Variants in RYR2 observed in about 807,000 individuals in gnomAD.
RYR2 encodes the protein cardiac muscle ryanodine receptor-calcium release channel.
A neutral mutation model predicts 601.1 loss-of-function variants in RYR2; 227 were observed. That is an observed-to-expected ratio of 0.38 (90% confidence interval 0.34 to 0.42). The LOEUF is 0.42. Ranked by LOEUF, RYR2 falls within the 10% of genes least tolerant of loss-of-function variation. The pLI is 1.00. For synonymous variants in RYR2, 2,223 were observed against 2,175.1 expected, an observed-to-expected ratio of 1.02 and a Z score of -0.61; for missense variants, 4,646 against 6,156.5, an observed-to-expected ratio of 0.75 and a Z score of 8.21.
intron 1 of RYR2, among the ~76,000 whole-genome samples, chr1:237,226,406 T>C (rs555171988): frequency 6.6e-6 from 1 of 152,322 alleles, no homozygotes; most frequent in East Asian, 1.9e-4. Context: ...ACTGACAGTG[T>C]GGCCAATTAT....
At chr1:237,592,843 A>G (rs747129820) in intron 32 of RYR2, among the ~76,000 whole-genome samples, 3 of 151,784 alleles carry the variant, frequency 2.0e-5, no homozygotes, top group African/African-American at 4.8e-5. Context: ...TAACATGGTG[A>G]AACCCCGTCT....
At chr1:237,333,686 C>G (rs1696970909) in intron 3 of RYR2, 5 of 455,360 alleles carry the variant, frequency 1.1e-5, no homozygotes, top group South Asian at 7.8e-5. Flanking sequence ...GTCTTCTGAA[C>G]TCCAAATATC....
At chr1:237,592,859 A>G in intron 32 of RYR2, among the ~76,000 whole-genome samples, 1 of 151,706 alleles carries the variant, frequency 6.6e-6, no homozygotes, top group African/African-American at 2.4e-5. Flanking sequence ...CGTCTTTACT[A>G]AAAATATAAA....
chr1:237,209,580 C>T (rs1451582739), intron 1 of RYR2, among the ~76,000 whole-genome samples: 6 of 150,384 alleles, frequency 4.0e-5, no homozygotes, highest in Non-Finnish European at 7.4e-5. Context: ...GGGCTGGGCA[C>T]AGTGGCTTCT....
intron 97 of RYR2, among the ~76,000 whole-genome samples, chr1:237,800,357 C>T (rs976546202): frequency 1.3e-5 from 2 of 151,592 alleles, no homozygotes; most frequent in South Asian, 4.2e-4. Flanking sequence ...ATTTGTGGCA[C>T]TTTTTTTAAA....
At chr1:237,105,714 G>A (rs1668583312) in intron 1 of RYR2, among the ~76,000 whole-genome samples, 1 of 151,754 alleles carries the variant, frequency 6.6e-6, no homozygotes, top group Non-Finnish European at 1.5e-5. Context: ...GGCAGCTGTA[G>A]TCCCAACTAC....
chr1:237,247,768 T>A (rs372301369), intron 1 of RYR2, among the ~76,000 whole-genome samples: 1 of 152,120 alleles, frequency 6.6e-6, no homozygotes, highest in South Asian at 2.1e-4. Flanking sequence ...AAGAAAAAAA[T>A]CATTGTTTTA....
chr1:237,680,845 G>A (rs907562300), intron 62 of RYR2, among the ~76,000 whole-genome samples: 1 of 152,170 alleles, frequency 6.6e-6, no homozygotes, highest in Non-Finnish European at 1.5e-5. Flanking sequence ...ACACATAGAG[G>A]CCGGATATGC....
At chr1:237,633,943 T>C (rs185400576) in intron 43 of RYR2, among the ~76,000 whole-genome samples, 3 of 152,204 alleles carry the variant, frequency 2.0e-5, no homozygotes, top group Admixed American at 2.0e-4. Context: ...ATGCCTATTA[T>C]TGAAAAGACA....
intron 102 of RYR2, 71 bp from the exon 103 acceptor site, chr1:237,830,459 C>T (rs1013024150): frequency 3.4e-6 from 3 of 894,870 alleles, no homozygotes; most frequent in South Asian, 1.3e-5. Context: ...GCTGCCCCTA[C>T]ATGGCGAGTT....
At chr1:237,256,226 G>T (rs555947837) in intron 1 of RYR2, among the ~76,000 whole-genome samples, 1 of 152,144 alleles carries the variant, frequency 6.6e-6, no homozygotes, top group Non-Finnish European at 1.5e-5. Context: ...GCCTGCCGCC[G>T]TGTAAGATGT....
chr1:237,778,477 C>T (rs928719833), intron 87 of RYR2, among the ~76,000 whole-genome samples, 189 bp from the exon 88 acceptor site: 9 of 151,622 alleles, frequency 5.9e-5, no homozygotes, highest in African/African-American at 1.7e-4. Context: ...TAAAGAGGAA[C>T]GTATTTCTCT....
chr1:237,600,869 A>G (rs1195407534), intron 34 of RYR2, among the ~76,000 whole-genome samples: 1 of 152,232 alleles, frequency 6.6e-6, no homozygotes, highest in African/African-American at 2.4e-5. Flanking sequence ...TCATCAGCAA[A>G]GTGCAAATCA....
At chr1:237,473,459 TTCTATCTA>T (rs1239870950) in intron 17 of RYR2, among the ~76,000 whole-genome samples, 1 of 136,570 alleles carries the variant, frequency 7.3e-6, no homozygotes, top group Non-Finnish European at 1.6e-5. Context: ...CTTTCTTTCT[TTCTATCTA>T]TCTATCTATC....
In RYR2 at chr1:237,180,877, G is replaced by T. The variant is rs1047667965; in HGVS notation, c.49-89620G>T. 1.3e-4 allele frequency among the ~76,000 whole-genome samples: 19 copies of T among 147,794 alleles called. No individual in the cohort carries two copies. The highest frequency in any genetic ancestry group is 1.1e-3 in the Admixed American group (16 of 14,762). ...ATATTTATACTAATTAAATATATTTGATTATATAATTATAACAATAAATAT... is the reference window on the plus strand; with the variant it reads ...ATATTTATACTAATTAAATATATTTTATTATATAATTATAACAATAAATAT... On this transcript the variant is annotated intron_variant, in intron 1 of 104. Transcript: ENST00000366574. The surrounding 1 kb of genome is among the most constrained non-coding windows in gnomAD (Gnocchi z 5.3).
rs79481344 is a variant in RYR2 at position 237,561,252 on chromosome 1, G to A, written c.3215-5315G>A. On this transcript the variant is annotated intron_variant, in intron 27 of 104. Coordinates refer to ENST00000366574, the MANE Select transcript of RYR2 (RefSeq NM_001035.3). ...GAACAGTGAGCAATGAGAATAGAGT[G>A]GCATATTCTACAGTAGAAGCTGAGA... Among the ~76,000 whole-genome samples, 566 of 152,186 alleles carry A rather than the reference G, an allele frequency of 3.7e-3. 1 individual carries two copies. Among genetic ancestry groups the A allele is most frequent in the African/African-American group, 0.013 (530 of 41,516 alleles).
At chr1:237,433,425 G>A (rs1026873250) in intron 12 of RYR2, among the ~76,000 whole-genome samples, 1 of 151,948 alleles carries the variant, frequency 6.6e-6, no homozygotes. Context: ...AGTATTTTCT[G>A]CAATTATATA....
chr1:237,698,407 T>A (rs369266553), intron 63 of RYR2, among the ~76,000 whole-genome samples: 13 of 152,130 alleles, frequency 8.5e-5, no homozygotes, highest in African/African-American at 2.4e-4. Context: ...GTCTGATTTT[T>A]TTTTTACATG....
At chr1:237,808,669 C>CAAAAT (rs878966941) in intron 99 of RYR2, among the ~76,000 whole-genome samples, 18 of 139,252 alleles carry the variant, frequency 1.3e-4, no homozygotes, top group Admixed American at 3.6e-4. Context: ...AAAAAAAAAA[C>CAAAAT]AAAATAAAAT....
Sources: allele counts gnomAD v4.1 joint callset (sites outside exome capture counted in the v4.1 genomes callset), GRCh38; gene constraint gnomAD v4.1.1; non-coding constraint Gnocchi (gnomAD v3.1); transcripts MANE v1.5; gene names NCBI Gene and HGNC (gene_info 2026-07-23, HGNC 2026-07-21).